The following ANK3 variants were observed in gnomAD, a reference collection of about 807,000 sequenced individuals.
The protein encoded by ANK3 is ankyrin-3.
ANK3 carries 57 observed loss-of-function variants against 370.9 expected under a neutral mutation model. The observed-to-expected ratio is 0.15, with a 90% CI of 0.12 to 0.19. The LOEUF (loss-of-function observed/expected upper bound fraction) is 0.19, where lower values mean the gene tolerates loss of function less well. Ranked by LOEUF, ANK3 falls within the 10% of genes least tolerant of loss-of-function variation. The pLI, the probability that ANK3 is intolerant of heterozygous loss-of-function variation, is 1.00. For synonymous variants in ANK3, 1,929 were observed against 1,946.3 expected (o/e 0.99, Z 0.23); for missense variants, 4,439 against 5,302.1 (o/e 0.84, Z 5.06).
chr10:60,091,871 C>T (rs1819455450), intron 28 of ANK3, among the ~76,000 whole-genome samples: 2 of 152,022 alleles, frequency 1.3e-5, no homozygotes, highest in South Asian at 4.1e-4. Context: ...GCTGGGACTA[C>T]AGGCATGCGC....
At chr10:60,159,344 G>A (rs2095435559) in intron 23 of ANK3, among the ~76,000 whole-genome samples, 1 of 152,074 alleles carries the variant, frequency 6.6e-6, no homozygotes, top group Admixed American at 6.6e-5. Flanking sequence ...ATTATATAAT[G>A]ATAAAGGAAT....
At chr10:60,155,078 A>C (rs2095287208) in intron 23 of ANK3, among the ~76,000 whole-genome samples, 1 of 152,190 alleles carries the variant, frequency 6.6e-6, no homozygotes, top group African/African-American at 2.4e-5. Flanking sequence ...CAAACTGAAC[A>C]ACTATCAATG....
intron 8 of ANK3, among the ~76,000 whole-genome samples, chr10:60,225,161 C>A (rs1028927459): frequency 2.0e-5 from 3 of 152,092 alleles, no homozygotes; most frequent in Non-Finnish European, 4.4e-5. Context: ...AATCCTCTCA[C>A]GTCAGCTTCC....
At chr10:60,128,140 A>G (rs967204877) in intron 25 of ANK3, among the ~76,000 whole-genome samples, 2 of 152,224 alleles carry the variant, frequency 1.3e-5, no homozygotes, top group African/African-American at 4.8e-5. Flanking sequence ...TAAAAAATAC[A>G]TCACGATGGT....
intron 28 of ANK3, among the ~76,000 whole-genome samples, chr10:60,093,142 G>A (rs2089089977): frequency 6.6e-6 from 1 of 152,204 alleles, no homozygotes; most frequent in South Asian, 2.1e-4. Context: ...GTAACTGAAA[G>A]GAGATAAACG....
At chr10:60,213,050 AG>A (rs1591816724) in intron 9 of ANK3, among the ~76,000 whole-genome samples, 1 of 152,288 alleles carries the variant, frequency 6.6e-6, no homozygotes, top group East Asian at 1.9e-4. Flanking sequence ...ACTCTCAAGA[AG>A]TAAGCTGAGG....
At position 60,627,241 on chromosome 10, in the gene ANK3, A is replaced by C. The variant is rs910263906; in HGVS notation, c.58-12017T>G. Among the ~76,000 whole-genome samples, 5 of 152,118 alleles carry C rather than the reference A, an allele frequency of 3.3e-5. No homozygotes were observed. The South Asian group carries it at 1.0e-3, about 32-fold the overall frequency. ...AGGAACTCATAACATGAAATTACAT[A>C]GCAAATCAAACTGCAATTTCTAGAA... On this transcript the variant is annotated intron_variant, in intron 1 of 43. Coordinates refer to the ANK3 transcript ENST00000373827.
At chr10:60,344,658 A>G (rs1459379352) in intron 1 of ANK3, among the ~76,000 whole-genome samples, 1 of 152,228 alleles carries the variant, frequency 6.6e-6, no homozygotes, top group African/African-American at 2.4e-5. Flanking sequence ...AACTCTTAAA[A>G]AATGTTAGAT....
intron 23 of ANK3, chr10:60,140,464 C>G (rs1355651523): frequency 1.2e-6 from 2 of 1,606,904 alleles, no homozygotes; most frequent in Admixed American, 3.4e-5. Context: ...TCAAGGAAAC[C>G]AATCCCTGGT....
At chr10:60,371,088 T>C (rs547651455) in intron 1 of ANK3, among the ~76,000 whole-genome samples, 47 of 152,248 alleles carry the variant, frequency 3.1e-4, no homozygotes, top group African/African-American at 1.1e-3. Context: ...TCATGTCCCA[T>C]TAATTTTCAA....
chr10:60,124,327 GATTTT>G (rs928478151), intron 25 of ANK3, among the ~76,000 whole-genome samples: 15 of 142,872 alleles, frequency 1.0e-4, no homozygotes, highest in Admixed American at 5.0e-4. Context: ...ACGCCCAGCT[GATTTT>G]ATTTTATTTT....
rs183204900 is a variant in ANK3, at chr10:60,250,451, G to A, written c.798+11408C>T. Among the ~76,000 whole-genome samples the A allele has an allele frequency of 8.4e-3, 1,275 of 152,240 alleles. 16 individuals carry two copies. The highest frequency in any genetic ancestry group is 0.029 in the African/African-American group (1,199 of 41,560). Reference sequence around the variant, plus strand: ...ACAATCTCGGCTCACTGCAAGCTCTGCCTCCCAGGTTCAAGCAATTCTCCT... The same window carrying A: ...ACAATCTCGGCTCACTGCAAGCTCTACCTCCCAGGTTCAAGCAATTCTCCT... On this transcript the variant is annotated intron_variant, in intron 7 of 43. Transcript: ENST00000280772.
At chr10:60,083,034 C>G (rs2085680604) in intron 33 of ANK3, among the ~76,000 whole-genome samples, 1 of 152,004 alleles carries the variant, frequency 6.6e-6, no homozygotes, top group South Asian at 2.1e-4. Context: ...TCTGAAAGCT[C>G]CAGCTTTTGC....
chr10:60,230,367 A>T (rs928743491), intron 8 of ANK3, among the ~76,000 whole-genome samples: 8 of 152,234 alleles, frequency 5.3e-5, no homozygotes, highest in Non-Finnish European at 1.2e-4. Flanking sequence ...CTTGTTGAAA[A>T]AATGAACTAC....
intron 2 of ANK3, among the ~76,000 whole-genome samples, chr10:60,400,993 G>C (rs946731123): frequency 1.3e-5 from 2 of 152,116 alleles, no homozygotes; most frequent in African/African-American, 4.8e-5. Flanking sequence ...TGGCTGTGTA[G>C]AGCTTTTCTG....
chr10:60,648,422 G>C (rs917543010), intron 1 of ANK3, among the ~76,000 whole-genome samples: 61 of 141,964 alleles, frequency 4.3e-4, no homozygotes, highest in African/African-American at 1.5e-3. Context: ...GCCTCCCAAA[G>C]TGCTGGGATT....
intron 1 of ANK3, among the ~76,000 whole-genome samples, chr10:60,322,337 CA>C (rs1248251670): frequency 6.6e-6 from 1 of 152,104 alleles, no homozygotes; most frequent in Admixed American, 6.5e-5. Flanking sequence ...ATTGCAGATT[CA>C]TTTCAAAGTA....
At chr10:60,512,285 C>T (rs570977809) in intron 2 of ANK3, among the ~76,000 whole-genome samples, 1 of 152,102 alleles carries the variant, frequency 6.6e-6, no homozygotes, top group South Asian at 2.1e-4. Flanking sequence ...AAAACCAACA[C>T]TCTCATGTCT....
chr10:60,139,249 G>T (rs2094469395), intron 23 of ANK3, 162 bp from the exon 24 acceptor site: 1 of 801,220 alleles, frequency 1.2e-6, no homozygotes, highest in Non-Finnish European at 2.0e-6. Context: ...GAAGGAAAAG[G>T]TATAGGTAAA....
Sources: gnomAD v4.1 joint callset for allele counts (sites outside exome capture counted in the v4.1 genomes callset) on GRCh38, gnomAD v4.1.1 for gene constraint, MANE v1.5 for transcripts, NCBI Gene and HGNC (gene_info 2026-07-23, HGNC 2026-07-21) for gene names.